ATF6: variants seen among roughly 807,000 people sequenced by gnomAD.
ATF6 encodes the protein activating transcription factor 6, also known as cyclic AMP-dependent transcription factor ATF-6 alpha.
ATF6 carries 53 observed loss-of-function variants against 83.6 expected under a neutral mutation model. The ratio of observed to expected loss-of-function variants is 0.63; its 90% CI spans 0.51 to 0.80. The LOEUF is 0.80. ATF6 is among the 30% of genes least tolerant of loss of function. ATF6 has a pLI of 0.00. For synonymous variants in ATF6, 288 were observed against 285.8 expected, an observed-to-expected ratio of 1.01 and a Z score of -0.08; for missense variants, 744 against 797.9, an observed-to-expected ratio of 0.93 and a Z score of 0.81.
At chr1:161,845,881 A>G (rs1253155007) in intron 9 of ATF6, among the ~76,000 whole-genome samples, 1 of 151,946 alleles carries the variant, frequency 6.6e-6, no homozygotes, top group East Asian at 1.9e-4. Flanking sequence ...TACATTGATG[A>G]GTGAAGATAT....
Position 161,791,417 on chromosome 1 carries a change from G to T in ATF6, c.364G>T (p.Asp122Tyr), listed in dbSNP as rs1221405888. 3.1e-6 allele frequency: 5 copies of T among 1,607,800 alleles called. No individual in the cohort carries two copies. The Admixed American group carries it at 8.6e-5, about 28-fold the overall frequency. Residue 122 changes from aspartate to tyrosine, a missense_variant, in exon 5 of 16, where the codon GAT (aspartate) becomes TAT (tyrosine). By Grantham distance (160) the Asp-to-Tyr change is radical (BLOSUM62 -3). Coordinates refer to ENST00000367942, the MANE Select transcript of ATF6 (RefSeq NM_007348.4). ...SSTQHVPEEL[D>Y]LSSSSQMSPL... ...TTTTATTATGCTACAGGAGGAGTTGGATTTGTCTTCTAGTTCTCAGATGTC... is the reference window on the plus strand; with the variant it reads ...TTTTATTATGCTACAGGAGGAGTTGTATTTGTCTTCTAGTTCTCAGATGTC...
At chr1:161,942,994 T>TAC (rs1688679972) in intron 15 of ATF6, among the ~76,000 whole-genome samples, 1 of 152,228 alleles carries the variant, frequency 6.6e-6, no homozygotes, top group Admixed American at 6.5e-5. Context: ...TAGCTGGGAT[T>TAC]ACAGGCATGC....
rs1185767124 is a variant in ATF6 at position 161,960,423 on chromosome 1, T to C, written c.*1769T>C. The C allele has an allele frequency of 6.6e-6, 1 of 152,254 alleles. No individual in the cohort carries two copies. The highest frequency in any genetic ancestry group is 1.5e-5 in the Non-Finnish European group (1 of 68,046). 9.4% of individuals were successfully genotyped at this position (152,254 alleles called of 1,614,324 possible). A position where few individuals can be genotyped will look rare whatever the true frequency, so the allele number is the denominator to read the frequency against. On this transcript the variant is annotated 3_prime_UTR_variant, in exon 16 of 16. Transcript: ENST00000367942. ...TTGTAGCAACCTCTCAAGGATTATA[T>C]GCAGCTAGTTAGTTTTCTGCCTGTG...
chr1:161,839,733 A>G (rs1165794237), intron 9 of ATF6, among the ~76,000 whole-genome samples: 1 of 152,116 alleles, frequency 6.6e-6, no homozygotes, highest in Non-Finnish European at 1.5e-5. Flanking sequence ...GGCTTAAAGG[A>G]GAGGAGAGGG....
At chr1:161,791,649 T>G in intron 5 of ATF6, 112 bp downstream of exon 5, 1 of 1,204,910 alleles carries the variant, frequency 8.3e-7, no homozygotes, top group South Asian at 1.6e-5. Flanking sequence ...GGCTTGCTGT[T>G]TTTTAATTGG....
At chr1:161,807,108 G>C (rs1685302566) in intron 7 of ATF6, among the ~76,000 whole-genome samples, 1 of 152,076 alleles carries the variant, frequency 6.6e-6, no homozygotes, top group African/African-American at 2.4e-5. Context: ...CTTGAGAATG[G>C]CCTGGGAAAA....
At chr1:161,829,316 T>A (rs914884910) in intron 9 of ATF6, among the ~76,000 whole-genome samples, 1 of 150,804 alleles carries the variant, frequency 6.6e-6, no homozygotes, top group African/African-American at 2.4e-5. Context: ...ATGGGAGACT[T>A]TAACACCCCA....
chr1:161,950,913 A>C lies in ATF6; in HGVS notation c.1805-7533A>C, dbSNP rs140349734. The stretch of plus-strand genomic sequence containing the variant: ...AGAAGTGTTTGAGATCGATGAAATG[A>C]TATTCTTTTCTATGATCTAATGAAG... On this transcript the variant is annotated intron_variant, in intron 15 of 15. Coordinates refer to ENST00000367942, the MANE Select transcript of ATF6 (RefSeq NM_007348.4). Among the ~76,000 whole-genome samples the C allele has an allele frequency of 2.6e-5, 4 of 152,314 alleles. No homozygotes were observed. The East Asian group carries it at 7.7e-4, about 29-fold the overall frequency.
chr1:161,873,633 C>T (rs1687158271), intron 14 of ATF6, among the ~76,000 whole-genome samples: 1 of 151,552 alleles, frequency 6.6e-6, no homozygotes, highest in African/African-American at 2.4e-5. Flanking sequence ...CAACACATTG[C>T]TGCTAGTCTT....
At chr1:161,876,140 T>A (rs1354053804) in intron 14 of ATF6, among the ~76,000 whole-genome samples, 4 of 151,970 alleles carry the variant, frequency 2.6e-5, no homozygotes, top group Non-Finnish European at 5.9e-5. Flanking sequence ...GTACTGTTAG[T>A]GTTTGTTGCC....
intron 10 of ATF6, among the ~76,000 whole-genome samples, chr1:161,847,104 T>C (rs1557992764): frequency 6.6e-6 from 1 of 152,174 alleles, no homozygotes; most frequent in Non-Finnish European, 1.5e-5. Flanking sequence ...GCTTTAATTG[T>C]ATAAAAATGC....
intron 7 of ATF6, among the ~76,000 whole-genome samples, chr1:161,818,130 C>T (rs185130418): frequency 6.7e-6 from 1 of 149,694 alleles, no homozygotes; most frequent in Non-Finnish European, 1.5e-5. Flanking sequence ...AAATAGATTA[C>T]ATTCTTTAAC....
intron 9 of ATF6, chr1:161,840,486 CAA>C (rs1355347477): frequency 6.6e-6 from 1 of 152,104 alleles, no homozygotes; most frequent in Non-Finnish European, 1.5e-5. Context: ...GGCTTGAATT[CAA>C]AATTGACCTA....
In ATF6 at chr1:161,910,383, G is replaced by C. The variant is rs779568233; in HGVS notation, c.1720-1913G>C. On this transcript the variant is annotated intron_variant, in intron 14 of 15. Coordinates refer to ENST00000367942, the MANE Select transcript of ATF6 (RefSeq NM_007348.4). ...CAAGGCAGGTTAACTGTAATAATTCGTATGCATGCAAGATATGATTCTTCT... is the reference window on the plus strand; with the variant it reads ...CAAGGCAGGTTAACTGTAATAATTCCTATGCATGCAAGATATGATTCTTCT... Among the ~76,000 whole-genome samples the C allele has an allele frequency of 7.4e-4, 113 of 152,166 alleles. 1 individual carries two copies. Among genetic ancestry groups the C allele is most frequent in the African/African-American group, 2.6e-3 (108 of 41,528 alleles).
intron 4 of ATF6, among the ~76,000 whole-genome samples, chr1:161,785,440 C>T (rs1282010367): frequency 6.6e-6 from 1 of 152,104 alleles, no homozygotes; most frequent in Non-Finnish European, 1.5e-5. Flanking sequence ...TATACCCTGT[C>T]CTGTACCTTG....
intron 2 of ATF6, among the ~76,000 whole-genome samples, chr1:161,778,834 A>C (rs774109705): frequency 5.3e-5 from 8 of 152,190 alleles, no homozygotes; most frequent in Non-Finnish European, 1.2e-4. Flanking sequence ...CCCCGAGAAT[A>C]TCTTAGATTT....
intron 14 of ATF6, among the ~76,000 whole-genome samples, chr1:161,878,925 A>G (rs1312031762): frequency 6.6e-6 from 1 of 152,166 alleles, no homozygotes; most frequent in Non-Finnish European, 1.5e-5. Flanking sequence ...GAAAATAGAG[A>G]AAAGGTAGGG....
chr1:161,837,879 C>A (rs1049132374), intron 9 of ATF6, among the ~76,000 whole-genome samples: 1 of 152,156 alleles, frequency 6.6e-6, no homozygotes, highest in Non-Finnish European at 1.5e-5. Context: ...TGGATTAATT[C>A]ATTTGTTCCT....
At chr1:161,919,653 C>G (rs1361671348) in intron 15 of ATF6, among the ~76,000 whole-genome samples, 1 of 152,120 alleles carries the variant, frequency 6.6e-6, no homozygotes, top group East Asian at 1.9e-4. Context: ...TTTACTGTTT[C>G]CCTTCCCTTC....
Sources: gnomAD v4.1 joint callset for allele counts (sites outside exome capture counted in the v4.1 genomes callset) on GRCh38, gnomAD v4.1.1 for gene constraint, MANE v1.5 for transcripts, NCBI Gene and HGNC (gene_info 2026-07-23, HGNC 2026-07-21) for gene names.